PWWP2B: variants seen among roughly 807,000 people sequenced by gnomAD.
PWWP2B encodes PWWP domain-containing protein 2B.
A neutral mutation model predicts 15.5 loss-of-function variants in PWWP2B; 9 were observed. The observed-to-expected ratio is 0.58, with a 90% CI of 0.35 to 1.02. The LOEUF is 1.02. Among genes scored for constraint, PWWP2B ranks in the 50% least tolerant of loss-of-function variants. The pLI, the probability that PWWP2B is intolerant of heterozygous loss-of-function variation, is 0.02. For synonymous variants in PWWP2B, 474 were observed against 403.6 expected (o/e 1.17, Z -2.09); for missense variants, 864 against 865.3 (o/e 1.00, Z 0.02).
chr10:132,400,331 G>T (rs2069600347), intron 1 of PWWP2B, among the ~76,000 whole-genome samples: 1 of 152,158 alleles, frequency 6.6e-6, no homozygotes, highest in Non-Finnish European at 1.5e-5. Flanking sequence ...AGGGTGTGGG[G>T]TGGGGGCCTG....
chr10:132,399,322 T>C (rs2069583516), intron 1 of PWWP2B, among the ~76,000 whole-genome samples: 1 of 152,224 alleles, frequency 6.6e-6, no homozygotes, highest in Non-Finnish European at 1.5e-5. Context: ...AACCTGTGGG[T>C]CCCAGCACAA....
intron 2 of PWWP2B, among the ~76,000 whole-genome samples, chr10:132,406,811 C>T (rs919145267): frequency 2.0e-5 from 3 of 152,166 alleles, no homozygotes; most frequent in Non-Finnish European, 4.4e-5. Context: ...AGATGAAGCC[C>T]CCACCCCAAC....
Position 132,417,450 on chromosome 10 carries a change from G to A in PWWP2B, c.*406G>A, listed in dbSNP as rs574699468. On this transcript the variant is annotated 3_prime_UTR_variant, in exon 3 of 3. Coordinates refer to ENST00000305233, the MANE Select transcript of PWWP2B (RefSeq NM_138499.4). ...AGGCCTGGCGCCCCGGCCTCGCCCA[G>A]CGGCTGGTGTGGGCAGCTGTTCCCT... The A allele has an allele frequency of 6.4e-6, 2 of 310,560 alleles. No homozygotes were observed. Among genetic ancestry groups the A allele is most frequent in the East Asian group, 7.4e-5 (1 of 13,536 alleles). 19.2% of individuals were successfully genotyped at this position (310,560 alleles called of 1,614,324 possible).
chr10:132,410,575 G>A (rs889963354), intron 2 of PWWP2B, among the ~76,000 whole-genome samples: 8 of 152,302 alleles, frequency 5.3e-5, no homozygotes, highest in Admixed American at 2.6e-4. Context: ...GGAGGGGGGC[G>A]TGCCCAGAGG....
rs895050186 is a variant in PWWP2B at position 132,417,438 on chromosome 10, C to T, written c.*394C>T. On this transcript the variant is annotated 3_prime_UTR_variant, in exon 3 of 3. Coordinates refer to ENST00000305233, the MANE Select transcript of PWWP2B (RefSeq NM_138499.4). ...CATGGAGGAACCAGGCCTGGCGCCC[C>T]GGCCTCGCCCAGCGGCTGGTGTGGG... The T allele has an allele frequency of 9.4e-6, 3 of 319,318 alleles. No homozygotes were observed. The highest frequency in any genetic ancestry group is 4.5e-5 in the South Asian group (1 of 22,214). The allele number at this position is 319,318 out of a possible 1,614,324, so 19.8% of individuals were successfully genotyped here.
chr10:132,415,877 C>G lies in PWWP2B; in HGVS notation c.*17-1184C>G, dbSNP rs1387146934. ...TGATCCCGGCTTGGTGCTTGGTCTT[C>G]AAATTGTTTACAGTGTTGTCACTCA... is the stretch of plus-strand genomic sequence containing the variant. On this transcript the variant is annotated intron_variant, in intron 2 of 2. Coordinates refer to ENST00000305233, the MANE Select transcript of PWWP2B (RefSeq NM_138499.4). Among the ~76,000 whole-genome samples, 5 of 152,196 alleles carry G rather than the reference C, an allele frequency of 3.3e-5. No individual in the cohort carries two copies. In the East Asian group the frequency reaches 9.6e-4, roughly 29 times the overall value.
In PWWP2B at chr10:132,405,863, C is replaced by T. The variant is rs1463205331; in HGVS notation, c.1363C>T (p.Pro455Ser). 3.1e-6 allele frequency: 5 copies of T among 1,611,400 alleles called. No individual in the cohort carries two copies. Among genetic ancestry groups the T allele is most frequent in the Admixed American group, 3.3e-5 (2 of 59,964 alleles). The change falls in exon 2 of 3, where the codon CCC becomes TCC. Residue 455 changes from proline to serine, a missense_variant. Around this residue, in one of 2 missense-constraint regions of PWWP2B, gnomAD observed 736 missense variants for 687.7 expected, o/e 1.07. Transcript: ENST00000305233. The stretch of plus-strand genomic sequence containing the variant: ...CTCGCCTGGCCACGGCGCGTCAGCG[C>T]CCTCGGTGTCCAGAGAGGCTCGCCA... The part of the protein sequence containing the change: ...DLSPGHGASA[P>S]SVSREARQTV...
chr10:132,405,333 A>G lies in PWWP2B; in HGVS notation c.833A>G (p.Glu278Gly). ...CCCTCCCGCGTGCACGGCTCTCTGG[A>G]GCCCTTCCGTCCCCAGCAGGCCCCG... ...KIPSRVHGSLEPFRPQQAPQD... is the reference protein window; with the variant it reads ...KIPSRVHGSLGPFRPQQAPQD... The change falls in exon 2 of 3, where the codon GAG becomes GGG. Residue 278 changes from glutamate (E) to glycine (G), a missense_variant. Physicochemically the swap from Glu to Gly is moderately conservative, Grantham distance 98 (BLOSUM62 -2). Transcript: ENST00000305233. 6.2e-7 allele frequency: 1 copy of G among 1,612,016 alleles called. No homozygotes were observed. The highest frequency in any genetic ancestry group is 2.2e-5 in the East Asian group (1 of 44,870).
chr10:132,406,220 G>T lies in PWWP2B; in HGVS notation c.1720G>T (p.Ala574Ser). 6.2e-7 allele frequency: 1 copy of T among 1,612,430 alleles called. No individual in the cohort carries two copies. Among genetic ancestry groups the T allele is most frequent in the Non-Finnish European group, 8.5e-7 (1 of 1,179,356 alleles). The change falls in exon 2 of 3, where the codon GCA (alanine) becomes TCA (serine). Residue 574 changes from alanine to serine, a missense_variant. By Grantham distance (99) the Ala-to-Ser change is moderately conservative (BLOSUM62 1). Transcript: ENST00000305233. The stretch of plus-strand genomic sequence containing the variant: ...AGCTATAACCGAGGCTGCAAATGCC[G>T]CAAGACACGTGGCCCCGGAAATCAG... ...RKAITEAANA[A>S]RHVAPEIREL...
At chr10:132,414,303 G>A (rs1372797709) in intron 2 of PWWP2B, among the ~76,000 whole-genome samples, 1 of 152,270 alleles carries the variant, frequency 6.6e-6, no homozygotes, top group Non-Finnish European at 1.5e-5. Context: ...GTTGTTGATG[G>A]AGAAGGACTT....
chr10:132,406,039 C>T lies in PWWP2B; in HGVS notation c.1539C>T (p.Leu513=), dbSNP rs534419931. The change falls in exon 2 of 3, where the codon CTC becomes CTT. Residue 513 remains leucine, a synonymous_variant. Coordinates refer to ENST00000305233, the MANE Select transcript of PWWP2B (RefSeq NM_138499.4). ...WWPARVLDIS[L]GQKEDGEPSW... ...CGGCGCGTGTTCTTGACATCAGTCTCGGCCAGAAGGAGGACGGAGAGCCGT... is the reference window on the plus strand; with the variant it reads ...CGGCGCGTGTTCTTGACATCAGTCTTGGCCAGAAGGAGGACGGAGAGCCGT... The T allele has an allele frequency of 1.7e-5, 27 of 1,613,746 alleles. No individual in the cohort carries two copies. The highest frequency in any genetic ancestry group is 1.3e-4 in the East Asian group (6 of 44,870).
chr10:132,403,210 C>T lies in PWWP2B; in HGVS notation c.126-1416C>T, dbSNP rs115965844. On this transcript the variant is annotated intron_variant, in intron 1 of 2. Coordinates refer to ENST00000305233, the MANE Select transcript of PWWP2B (RefSeq NM_138499.4). ...GGGTGGCGCTCACTCTGACCACCCC[C>T]ACCCACCACAGAGCAGAACCCCCCG... Among the ~76,000 whole-genome samples the T allele has an allele frequency of 8.0e-3, 1,214 of 152,294 alleles. 19 individuals carry two copies. The highest frequency in any genetic ancestry group is 0.028 in the African/African-American group (1,160 of 41,548).
Position 132,409,324 on chromosome 10 carries a change from G to A in PWWP2B, c.*16+3035G>A, listed in dbSNP as rs373197473. ...TGGGATTAGAGCTGAGGTCCGGGGC[G>A]GGGGCAGGTGGTGGAGACCAGGCTC... is the stretch of plus-strand genomic sequence containing the variant. On this transcript the variant is annotated intron_variant, in intron 2 of 2. Coordinates refer to ENST00000305233, the MANE Select transcript of PWWP2B (RefSeq NM_138499.4). 4.3e-4 allele frequency among the ~76,000 whole-genome samples: 66 copies of A among 152,324 alleles called. 1 individual carries two copies. Among genetic ancestry groups the A allele is most frequent in the African/African-American group, 1.5e-3 (63 of 41,580 alleles).
At chr10:132,399,811 TG>T (rs750519909) in intron 1 of PWWP2B, among the ~76,000 whole-genome samples, 8 of 152,172 alleles carry the variant, frequency 5.3e-5, no homozygotes, top group Non-Finnish European at 1.0e-4. Flanking sequence ...TTGGGTGGGG[TG>T]GCCCTGGCTG....
Position 132,417,013 on chromosome 10 carries a change from A to G in PWWP2B, c.*17-48A>G, listed in dbSNP as rs745433108. 3.7e-6 allele frequency: 6 copies of G among 1,611,202 alleles called. 1 individual carries two copies. The highest frequency in any genetic ancestry group is 3.3e-5 in the South Asian group (3 of 90,962). On this transcript the variant is annotated intron_variant, in intron 2 of 2. Transcript: ENST00000305233. ...TCAGACCTTGAGGGGCTGGTCCCCC[A>G]TACTCGACCCTGAGTTAAATCTCTG...
chr10:132,404,047 G>A (rs1285277010), intron 1 of PWWP2B, among the ~76,000 whole-genome samples: 1 of 138,834 alleles, frequency 7.2e-6, no homozygotes, highest in Non-Finnish European at 1.5e-5. Context: ...GCTCCTGCAG[G>A]ACGGCATTCT....
chr10:132,399,702 A>G (rs777763517), intron 1 of PWWP2B, among the ~76,000 whole-genome samples: 14 of 152,248 alleles, frequency 9.2e-5, no homozygotes, highest in Non-Finnish European at 1.9e-4. Flanking sequence ...GTCTGGGCCA[A>G]TGTGGTGGTG....
chr10:132,411,779 C>G (rs188642663), intron 2 of PWWP2B, among the ~76,000 whole-genome samples: 1 of 152,244 alleles, frequency 6.6e-6, no homozygotes, highest in Non-Finnish European at 1.5e-5. Context: ...GCGACGCCGC[C>G]GTCTCCAGGC....
intron 2 of PWWP2B, among the ~76,000 whole-genome samples, chr10:132,414,128 AGTCTGT>A (rs1394233914): frequency 6.6e-6 from 1 of 152,172 alleles, no homozygotes; most frequent in African/African-American, 2.4e-5. Flanking sequence ...CCAGCCTTGG[AGTCTGT>A]GTCTCTGCTG....
Sources: gnomAD v4.1 joint callset for allele counts (sites outside exome capture counted in the v4.1 genomes callset) on GRCh38, gnomAD v4.1.1 for gene constraint, gnomAD v4.1.1 regional missense constraint, MANE v1.5 for transcripts, NCBI Gene and HGNC (gene_info 2026-07-23, HGNC 2026-07-21) for gene names.